GPHN: variants seen among roughly 807,000 people sequenced by gnomAD.
GPHN encodes gephyrin.
GPHN carries 17 observed loss-of-function variants against 95.5 expected under a neutral mutation model. The ratio of observed to expected loss-of-function variants is 0.18; its 90% CI spans 0.12 to 0.27. The LOEUF (loss-of-function observed/expected upper bound fraction) is 0.27, where lower values mean the gene tolerates loss of function less well. Ranked by LOEUF, GPHN falls within the 10% of genes least tolerant of loss-of-function variation. The pLI is 1.00. For missense variants in GPHN, 660 were observed against 978.1 expected, an observed-to-expected ratio of 0.67 and a Z score of 4.34; for synonymous variants, 320 against 322.5, an observed-to-expected ratio of 0.99 and a Z score of 0.08.
chr14:66,737,775 C>A (rs964010227), intron 2 of GPHN, among the ~76,000 whole-genome samples: 9 of 152,182 alleles, frequency 5.9e-5, no homozygotes. Context: ...AACCAGCCAA[C>A]CGTGTGCTTA....
chr14:67,185,961 T>G (rs143308883), downstream of GPHN, among the ~76,000 whole-genome samples: 92 of 152,294 alleles, frequency 6.0e-4, 3 homozygotes, highest in African/African-American at 2.1e-3. Context: ...TGCATTGCAT[T>G]CTGACATGTT....
In GPHN at chr14:67,113,109, G is replaced by T; in HGVS notation, c.1564G>T (p.Gly522Cys). 1 of 1,613,786 alleles carries T rather than the reference G, an allele frequency of 6.2e-7. No homozygotes were observed. The highest frequency in any genetic ancestry group is 8.5e-7 in the Non-Finnish European group (1 of 1,179,708). ...AGAGATTGGTCTTCTGGCAACTGTA[G>T]GTGTCACAGAGGTTGAAGTTAATAA... ...PSEIGLLATVGVTEVEVNKFP... is the reference protein window; with the variant it reads ...PSEIGLLATVCVTEVEVNKFP... Residue 522 changes from glycine to cysteine, a missense_variant, in exon 16 of 23, where the codon GGT becomes TGT. By Grantham distance (159) the Gly-to-Cys change is radical. This residue lies in a region of GPHN where 257 missense variants were observed against 376.2 expected (regional missense o/e 0.68). Coordinates refer to ENST00000478722, the MANE Select transcript of GPHN (RefSeq NM_020806.5).
In GPHN at chr14:66,991,169, A is replaced by G. The variant is rs553396867; in HGVS notation, c.963+25844A>G. On this transcript the variant is annotated intron_variant, in intron 9 of 22. Coordinates refer to ENST00000478722, the MANE Select transcript of GPHN (RefSeq NM_020806.5). ...TTATTGATTTTTAACTTAAAAATGC[A>G]TCATCTTTTTCTCTATATCATTCAA... Among the ~76,000 whole-genome samples, 3 of 152,248 alleles carry G rather than the reference A, an allele frequency of 2.0e-5. No homozygotes were observed. The South Asian group carries it at 6.2e-4, about 32-fold the overall frequency.
intron 1 of GPHN, among the ~76,000 whole-genome samples, chr14:66,583,217 C>G (rs559353009): frequency 1.3e-5 from 2 of 152,214 alleles, no homozygotes; most frequent in African/African-American, 2.4e-5. Flanking sequence ...TCTTTGCCCA[C>G]TTTTTGATGT....
chr14:67,675,352 A>G, the GPHN span, among the ~76,000 whole-genome samples: 1 of 151,992 alleles, frequency 6.6e-6, no homozygotes, highest in South Asian at 2.1e-4. Context: ...GAAACCCAAA[A>G]TAAGAACCGG....
In GPHN at chr14:66,665,642, A is replaced by G. The variant is rs546700042; in HGVS notation, c.65-15465A>G. On this transcript the variant is annotated intron_variant, in intron 1 of 22. Coordinates refer to ENST00000478722, the MANE Select transcript of GPHN (RefSeq NM_020806.5). Reference sequence around the variant, plus strand: ...TGTGGAGAAATAGGAACACTTTTACACTGTTGGTGGGACTGTAGACTAGTT... The same window carrying G: ...TGTGGAGAAATAGGAACACTTTTACGCTGTTGGTGGGACTGTAGACTAGTT... 6.6e-5 allele frequency among the ~76,000 whole-genome samples: 10 copies of G among 152,290 alleles called. No individual in the cohort carries two copies. In the South Asian group the frequency reaches 2.1e-3, roughly 32 times the overall value.
intron 21 of GPHN, 69 bp from the exon 22 acceptor site, chr14:67,179,509 C>A (rs141373419): frequency 2.3e-5 from 20 of 881,022 alleles, no homozygotes; most frequent in Middle Eastern, 5.2e-4. Context: ...TGCACAACCC[C>A]TACTATCTTG....
chr14:67,431,574 C>T, the GPHN span, among the ~76,000 whole-genome samples: 1 of 151,994 alleles, frequency 6.6e-6, no homozygotes, highest in Non-Finnish European at 1.5e-5. Flanking sequence ...CATCTGTGGT[C>T]CCAGCTACTC....
the GPHN span, chr14:67,562,971 C>G: frequency 2.1e-6 from 3 of 1,452,930 alleles, no homozygotes; most frequent in Non-Finnish European, 2.8e-6. Context: ...CAGCCATGCA[C>G]TGAGCAGGAG....
At chr14:67,494,650 G>A in the GPHN span, among the ~76,000 whole-genome samples, 2 of 152,192 alleles carry the variant, frequency 1.3e-5, no homozygotes, top group Admixed American at 6.5e-5. Flanking sequence ...TGCTCAGCAG[G>A]TACATCCCAC....
At chr14:66,557,970 C>T (rs899446678) in intron 1 of GPHN, among the ~76,000 whole-genome samples, 1 of 152,006 alleles carries the variant, frequency 6.6e-6, no homozygotes, top group African/African-American at 2.4e-5. Context: ...TAATATGGTG[C>T]TAATTACTAT....
intron 1 of GPHN, among the ~76,000 whole-genome samples, chr14:66,564,077 C>T (rs889995635): frequency 5.9e-5 from 9 of 152,106 alleles, no homozygotes; most frequent in African/African-American, 2.2e-4. Flanking sequence ...CATCTTCATA[C>T]ATCTGGGGAA....
the GPHN span, chr14:67,589,995 A>G: frequency 6.8e-7 from 1 of 1,464,620 alleles, no homozygotes. Context: ...TGTCCACCTG[A>G]TGGTTTGGAG....
chr14:67,587,093 T>C, the GPHN span: 1 of 1,610,746 alleles, frequency 6.2e-7, no homozygotes, highest in African/African-American at 1.3e-5. Flanking sequence ...GCTACCTTCA[T>C]CATGGCCAGC....
rs138042556 is a variant in GPHN at position 67,113,094 on chromosome 14, C to G, written c.1549C>G (p.Leu517Val). Residue 517 changes from leucine to valine, a missense_variant, in exon 16 of 23, where the codon CTT (leucine) becomes GTT (valine). This residue lies in a region of GPHN where 257 missense variants were observed against 376.2 expected (regional missense o/e 0.68). Transcript: ENST00000478722. ...GTHMGPSEIG[L>V]LATVGVTEVE... ...CCACATGGGCCCCTCAGAGATTGGTCTTCTGGCAACTGTAGGTGTCACAGA... is the reference window on the plus strand; with the variant it reads ...CCACATGGGCCCCTCAGAGATTGGTGTTCTGGCAACTGTAGGTGTCACAGA... The G allele has an allele frequency of 6.2e-7, 1 of 1,613,688 alleles. No homozygotes were observed. Among genetic ancestry groups the G allele is most frequent in the African/African-American group, 1.3e-5 (1 of 75,036 alleles).
chr14:66,618,583 T>TA (rs1299976207), intron 1 of GPHN, among the ~76,000 whole-genome samples: 1 of 152,196 alleles, frequency 6.6e-6, no homozygotes, highest in Non-Finnish European at 1.5e-5. Context: ...TCATGGAAAA[T>TA]ACTGGTCAGG....
the GPHN span, among the ~76,000 whole-genome samples, chr14:67,269,080 A>G: frequency 6.6e-6 from 1 of 152,100 alleles, no homozygotes; most frequent in Non-Finnish European, 1.5e-5. Flanking sequence ...TTGTCTCTCT[A>G]TATTTGCCTC....
Position 66,508,437 on chromosome 14 carries a change from G to C in GPHN, c.-91G>C. 1 of 1,134,642 alleles carries C rather than the reference G, an allele frequency of 8.8e-7. No homozygotes were observed. 70.3% of individuals were successfully genotyped at this position (1,134,642 alleles called of 1,614,324 possible). On this transcript the variant is annotated 5_prime_UTR_variant, in exon 1 of 23. Transcript: ENST00000478722. ...GCGCTTCTCTGGCTCCCTAGCTGTC[G>C]CGCTCTCCTCGGCGAGCGCGCTCCC...
chr14:66,894,423 A>AGGCAATACCATTCAGGACATGGCATG (rs1413127576), intron 5 of GPHN, among the ~76,000 whole-genome samples: 1 of 152,230 alleles, frequency 6.6e-6, no homozygotes, highest in Non-Finnish European at 1.5e-5. Context: ...AAGAAAACCT[A>AGGCAATACCATTCAGGACATGGCATG]GGCAATACCA....
Sources: gnomAD v4.1 joint callset for allele counts (sites outside exome capture counted in the v4.1 genomes callset) on GRCh38, gnomAD v4.1.1 for gene constraint, gnomAD v4.1.1 regional missense constraint, MANE v1.5 for transcripts, NCBI Gene and HGNC (gene_info 2026-07-23, HGNC 2026-07-21) for gene names.